Variants in EBAG9 observed in about 807,000 individuals in gnomAD.
The protein encoded by EBAG9 is estrogen receptor binding site associated antigen 9.
EBAG9 carries 16 observed loss-of-function variants against 30.9 expected under a neutral mutation model. That is an observed-to-expected ratio of 0.52 (90% CI 0.35 to 0.79). The LOEUF (loss-of-function observed/expected upper bound fraction) is 0.79. EBAG9 is among the 30% of genes least tolerant of loss of function. EBAG9 has a pLI of 0.01. For missense variants in EBAG9, 197 were observed against 242.1 expected, an observed-to-expected ratio of 0.81 and a Z score of 1.24; for synonymous variants, 93 against 82.8, an observed-to-expected ratio of 1.12 and a Z score of -0.67.
chr8:109,555,139 C>T (rs1821572409), intron 4 of EBAG9, among the ~76,000 whole-genome samples: 1 of 152,012 alleles, frequency 6.6e-6, no homozygotes, highest in African/African-American at 2.4e-5. Context: ...CCCTCTCCCC[C>T]AACCCCACAA....
intron 1 of EBAG9, among the ~76,000 whole-genome samples, chr8:109,547,321 A>C (rs1821404536): frequency 6.6e-6 from 1 of 152,176 alleles, no homozygotes; most frequent in African/African-American, 2.4e-5. Flanking sequence ...TGAGCGTGCC[A>C]GTTGTTCCAA....
chr8:109,557,076 G>GT (rs1382886253), intron 5 of EBAG9, 34 bp downstream of exon 5: 1 of 1,362,010 alleles, frequency 7.3e-7, no homozygotes, highest in African/African-American at 1.5e-5. Context: ...GAAGGGTTTT[G>GT]TTGTATTTCT....
intron 1 of EBAG9, among the ~76,000 whole-genome samples, chr8:109,541,419 G>C (rs1038239829): frequency 1.3e-5 from 2 of 152,136 alleles, no homozygotes; most frequent in African/African-American, 4.8e-5. Context: ...TAAATCCTGG[G>C]TAAGTGAATC....
chr8:109,545,379 T>C (rs1180279209), intron 1 of EBAG9, among the ~76,000 whole-genome samples: 1 of 151,308 alleles, frequency 6.6e-6, no homozygotes, highest in African/African-American at 2.4e-5. Context: ...CTTTTTTTTT[T>C]TTGAAATGGA....
intron 1 of EBAG9, chr8:109,550,362 T>A (rs1821467721): frequency 6.5e-6 from 1 of 153,064 alleles, no homozygotes; most frequent in Admixed American, 6.5e-5. Context: ...GTCAAGTTAT[T>A]TGACCTCTCT....
chr8:109,544,033 T>TAAAAAAA (rs11337681), intron 1 of EBAG9, among the ~76,000 whole-genome samples: 1 of 125,888 alleles, frequency 7.9e-6, no homozygotes, highest in Non-Finnish European at 1.7e-5. Context: ...CTATCTCAAT[T>TAAAAAAA]AAAAAAAAAA....
chr8:109,550,366 C>T (rs923499107), intron 1 of EBAG9: 1 of 152,942 alleles, frequency 6.5e-6, no homozygotes, highest in South Asian at 2.1e-4. Flanking sequence ...AGTTATTTGA[C>T]CTCTCTTAAT....
At chr8:109,543,733 A>T in intron 1 of EBAG9, among the ~76,000 whole-genome samples, 1 of 152,110 alleles carries the variant, frequency 6.6e-6, no homozygotes, top group East Asian at 1.9e-4. Flanking sequence ...CATGAAATGC[A>T]TTTTTAAAAA....
intron 3 of EBAG9, among the ~76,000 whole-genome samples, 200 bp from the exon 4 acceptor site, chr8:109,554,528 AG>A (rs1821557089): frequency 6.6e-6 from 1 of 152,242 alleles, no homozygotes; most frequent in Non-Finnish European, 1.5e-5. Flanking sequence ...AGAATAAAAT[AG>A]AACAGAATAT....
At chr8:109,550,491 A>G (rs1303587792) in intron 1 of EBAG9, 1 of 189,536 alleles carries the variant, frequency 5.3e-6, no homozygotes, top group African/African-American at 2.4e-5. Context: ...TAAAAGGTAC[A>G]CAGAGATTTA....
chr8:109,562,244 C>T (rs1037104470), intron 6 of EBAG9, among the ~76,000 whole-genome samples: 1 of 152,032 alleles, frequency 6.6e-6, no homozygotes, highest in African/African-American at 2.4e-5. Context: ...AGAGTTCAAG[C>T]CATGAGTTCA....
At chr8:109,554,259 G>A (rs73700653) in intron 3 of EBAG9, among the ~76,000 whole-genome samples, 2,329 of 152,162 alleles carry the variant, frequency 0.015, 30 homozygotes, top group Middle Eastern at 0.054. Context: ...TGATTAACTT[G>A]CCTTGCAAAT....
chr8:109,548,081 T>TGTG (rs1328455075), intron 1 of EBAG9, among the ~76,000 whole-genome samples: 5 of 152,122 alleles, frequency 3.3e-5, no homozygotes, highest in African/African-American at 1.2e-4. Flanking sequence ...GTCACAAAGT[T>TGTG]GTGTTGTTTT....
intron 1 of EBAG9, among the ~76,000 whole-genome samples, chr8:109,541,209 AAGATT>A (rs1821267099): frequency 6.6e-6 from 1 of 152,182 alleles, no homozygotes; most frequent in Admixed American, 6.5e-5. Context: ...ATTTAATGTT[AAGATT>A]AGATTATATT....
Position 109,565,078 on chromosome 8 carries a change from G to A in EBAG9, c.*519G>A, listed in dbSNP as rs1263240321. 6.6e-6 allele frequency: 1 copy of A among 152,260 alleles called. No individual in the cohort carries two copies. Among genetic ancestry groups the A allele is most frequent in the Admixed American group, 6.6e-5 (1 of 15,232 alleles). 9.4% of individuals were successfully genotyped at this position (152,260 alleles called of 1,614,324 possible). On this transcript the variant is annotated 3_prime_UTR_variant, in exon 7 of 7. Transcript: ENST00000337573. ...ATTCCCTCTAATTTGAACTGGTATT[G>A]TTTACGTTTGATACAACATTAAGGA...
chr8:109,543,462 C>T (rs1442259356), intron 1 of EBAG9, among the ~76,000 whole-genome samples: 1 of 151,836 alleles, frequency 6.6e-6, no homozygotes, highest in Non-Finnish European at 1.5e-5. Flanking sequence ...GTTTTTCTGG[C>T]TTTCTGATTT....
At chr8:109,556,164 TATC>T (rs2131122312) in intron 4 of EBAG9, among the ~76,000 whole-genome samples, 1 of 152,170 alleles carries the variant, frequency 6.6e-6, no homozygotes, top group African/African-American at 2.4e-5. Flanking sequence ...AAAATATTTT[TATC>T]ATATATATAT....
In EBAG9 at chr8:109,553,911, A is replaced by T; in HGVS notation, c.130A>T (p.Thr44Ser). Residue 44 changes from threonine (T) to serine (S), a missense_variant, in exon 3 of 7, where the codon ACT (threonine) becomes TCT (serine). Physicochemically the swap from Thr to Ser is moderately conservative, Grantham distance 58 (BLOSUM62 1). Transcript: ENST00000337573. ...AAGTGGAGACCAAATAACTTTGCCA[A>T]CTACAGTTGATTATTCATCAGTTCC... ...KLSGDQITLP[T>S]TVDYSSVPKQ... 3 of 1,609,698 alleles carry T rather than the reference A, an allele frequency of 1.9e-6. No homozygotes were observed. Among genetic ancestry groups the T allele is most frequent in the Non-Finnish European group, 2.5e-6 (3 of 1,178,762 alleles).
chr8:109,553,911 A>G lies in EBAG9; in HGVS notation c.130A>G (p.Thr44Ala), dbSNP rs772258835. 2.5e-6 allele frequency: 4 copies of G among 1,609,580 alleles called. No individual in the cohort carries two copies. Among genetic ancestry groups the G allele is most frequent in the African/African-American group, 1.3e-5 (1 of 74,730 alleles). The change falls in exon 3 of 7, where the codon ACT becomes GCT. Residue 44 changes from threonine (T) to alanine (A), a missense_variant. Thr to Ala is a moderately conservative substitution (Grantham distance 58). Coordinates refer to ENST00000337573, the MANE Select transcript of EBAG9 (RefSeq NM_004215.5). Reference protein sequence around the residue: ...KLSGDQITLPTTVDYSSVPKQ... With the variant: ...KLSGDQITLPATVDYSSVPKQ... ...AAGTGGAGACCAAATAACTTTGCCAACTACAGTTGATTATTCATCAGTTCC... is the reference window on the plus strand; with the variant it reads ...AAGTGGAGACCAAATAACTTTGCCAGCTACAGTTGATTATTCATCAGTTCC...
Sources: gnomAD v4.1 joint callset for allele counts (sites outside exome capture counted in the v4.1 genomes callset) on GRCh38, gnomAD v4.1.1 for gene constraint, MANE v1.5 for transcripts, NCBI Gene and HGNC (gene_info 2026-07-23, HGNC 2026-07-21) for gene names.